Variants in KCNN3 observed in about 807,000 individuals in gnomAD.
KCNN3 encodes the protein small conductance calcium-activated potassium channel protein 3.
A neutral mutation model predicts 62.9 loss-of-function variants in KCNN3; 16 were observed. The ratio of observed to expected loss-of-function variants is 0.25; its 90% CI spans 0.17 to 0.39. The LOEUF (loss-of-function observed/expected upper bound fraction) is 0.39, where lower values mean the gene tolerates loss of function less well. Ranked by LOEUF, KCNN3 falls within the 10% of genes least tolerant of loss-of-function variation. The pLI is 1.00. For missense variants in KCNN3, 599 were observed against 949.4 expected (o/e 0.63, Z 4.85); for synonymous variants, 370 against 389.2 (o/e 0.95, Z 0.58).
At chr1:154,714,383 G>A (rs1700171473) in intron 6 of KCNN3, among the ~76,000 whole-genome samples, 1 of 149,580 alleles carries the variant, frequency 6.7e-6, no homozygotes, top group South Asian at 2.1e-4. Context: ...TGAGGTGTGT[G>A]TGGGGTGTGT....
intron 1 of KCNN3, among the ~76,000 whole-genome samples, chr1:154,863,007 C>A (rs1006119919): frequency 6.6e-6 from 1 of 152,150 alleles, no homozygotes; most frequent in African/African-American, 2.4e-5. Context: ...ACACAGGGGG[C>A]GGTGAGCACG....
intron 1 of KCNN3, among the ~76,000 whole-genome samples, chr1:154,860,077 C>T (rs370394533): frequency 1.1e-4 from 16 of 152,226 alleles, no homozygotes; most frequent in African/African-American, 2.2e-4. Flanking sequence ...CCCTGCCCAG[C>T]TGCTCTTGCT....
intron 1 of KCNN3, among the ~76,000 whole-genome samples, chr1:154,850,535 C>T (rs548335143): frequency 1.2e-4 from 18 of 152,310 alleles, no homozygotes; most frequent in African/African-American, 4.3e-4. Context: ...AGTGGCTTCC[C>T]TGTGTGGTCC....
chr1:154,774,064 G>A (rs937445867), intron 2 of KCNN3, among the ~76,000 whole-genome samples: 7 of 152,200 alleles, frequency 4.6e-5, no homozygotes, highest in African/African-American at 1.7e-4. Flanking sequence ...CTCATCTGGG[G>A]ATGATGATAA....
intron 1 of KCNN3, among the ~76,000 whole-genome samples, chr1:154,845,517 G>A (rs1163578397): frequency 1.3e-5 from 2 of 152,188 alleles, no homozygotes; most frequent in Non-Finnish European, 2.9e-5. Flanking sequence ...CACTGCGGGG[G>A]CCCCACTACC....
rs1459061976 is a variant in KCNN3 at position 154,718,442 on chromosome 1, T to C, written c.1702-3439A>G. Among the ~76,000 whole-genome samples, 3 of 152,268 alleles carry C rather than the reference T, an allele frequency of 2.0e-5. No individual in the cohort carries two copies. The East Asian group carries it at 5.8e-4, about 29-fold the overall frequency. ...TGAGTGCTTACTACGTGCCAGGCTT[T>C]GTGCTAAGCACATATGTCTGCACTG... On this transcript the variant is annotated intron_variant, in intron 5 of 7. Coordinates refer to ENST00000271915, the MANE Select transcript of KCNN3 (RefSeq NM_002249.6).
At chr1:154,737,401 A>G (rs1165073269) in intron 3 of KCNN3, among the ~76,000 whole-genome samples, 1 of 152,156 alleles carries the variant, frequency 6.6e-6, no homozygotes, top group African/African-American at 2.4e-5. Flanking sequence ...GATGGTAGAG[A>G]CATATGTCTA....
chr1:154,786,577 T>TA (rs895176381), intron 2 of KCNN3, among the ~76,000 whole-genome samples: 1 of 152,184 alleles, frequency 6.6e-6, no homozygotes. Flanking sequence ...TCCTCTTTTT[T>TA]AAAAAAGCAA....
Position 154,701,075 on chromosome 1 carries a change from A to C in KCNN3, c.*6901T>G, listed in dbSNP as rs974325043. 6.6e-6 allele frequency: 1 copy of C among 152,186 alleles called. No homozygotes were observed. The highest frequency in any genetic ancestry group is 1.5e-5 in the Non-Finnish European group (1 of 68,030). The allele number at this position is 152,186 out of a possible 1,614,324, so 9.4% of individuals were successfully genotyped here. A position where few individuals can be genotyped will look rare whatever the true frequency, so the allele number is the denominator to read the frequency against. Reference sequence around the variant, plus strand: ...TAACAAGAAAACTTGTGTACAAGTTAGGGCTCAGCTACACAAACAGACTGA... The same window carrying C: ...TAACAAGAAAACTTGTGTACAAGTTCGGGCTCAGCTACACAAACAGACTGA... On this transcript the variant is annotated 3_prime_UTR_variant, in exon 8 of 8. Coordinates refer to ENST00000271915, the MANE Select transcript of KCNN3 (RefSeq NM_002249.6).
At chr1:154,747,737 G>A (rs1700971215) in intron 3 of KCNN3, among the ~76,000 whole-genome samples, 1 of 152,236 alleles carries the variant, frequency 6.6e-6, no homozygotes, top group African/African-American at 2.4e-5. Context: ...ACTGTTGGCT[G>A]ATAGAAGAGT....
At chr1:154,747,064 G>A (rs979654184) in intron 3 of KCNN3, among the ~76,000 whole-genome samples, 3 of 152,026 alleles carry the variant, frequency 2.0e-5, no homozygotes, top group African/African-American at 4.8e-5. Flanking sequence ...CCTCCTATTC[G>A]TGGGCAGTCC....
At position 154,772,202 on chromosome 1, in the gene KCNN3, C is replaced by T. The variant is rs372161618; in HGVS notation, c.1221G>A (p.Leu407=). The change falls in exon 3 of 8, where the codon CTG becomes CTA. Residue 407 remains leucine (L), a synonymous_variant. Transcript: ENST00000271915. The surrounding 1 kb of genome is among the most constrained non-coding windows in gnomAD (Gnocchi z 5.6). ...SRAEADVDII[L]SIPMFLRLYL... ...ACAGGCGCAGGAACATGGGGATAGA[C>T]AGGATGATGTCCACATCGGCCTCCG... 6.2e-7 allele frequency: 1 copy of T among 1,614,130 alleles called. No individual in the cohort carries two copies. Among genetic ancestry groups the T allele is most frequent in the Non-Finnish European group, 8.5e-7 (1 of 1,180,048 alleles).
chr1:154,823,833 T>C (rs964179049), intron 1 of KCNN3, among the ~76,000 whole-genome samples: 1 of 152,076 alleles, frequency 6.6e-6, no homozygotes, highest in African/African-American at 2.4e-5. Context: ...ATGTCCAATA[T>C]GGCAACCACA....
intron 3 of KCNN3, among the ~76,000 whole-genome samples, chr1:154,757,178 A>G (rs1020011659): frequency 1.3e-5 from 2 of 152,262 alleles, no homozygotes; most frequent in African/African-American, 4.8e-5. Context: ...TCTCAACTTC[A>G]GTGCTCAAAC....
chr1:154,849,262 T>C (rs931345749), intron 1 of KCNN3, among the ~76,000 whole-genome samples: 1 of 152,154 alleles, frequency 6.6e-6, no homozygotes, highest in Non-Finnish European at 1.5e-5. Context: ...CTTCCCCAAA[T>C]GGAGACTAGC....
intron 1 of KCNN3, among the ~76,000 whole-genome samples, chr1:154,835,939 T>C (rs959594992): frequency 6.6e-6 from 1 of 152,206 alleles, no homozygotes; most frequent in Admixed American, 6.5e-5. Flanking sequence ...CCAAGTCTTC[T>C]GTATAGACTG....
At chr1:154,769,922 T>G (rs1156862472) in intron 3 of KCNN3, among the ~76,000 whole-genome samples, 4 of 152,238 alleles carry the variant, frequency 2.6e-5, no homozygotes, top group African/African-American at 9.6e-5. Flanking sequence ...ATAGTGCATA[T>G]ATACACCTTG....
At chr1:154,801,947 G>A (rs1649973260) in intron 2 of KCNN3, among the ~76,000 whole-genome samples, 1 of 152,208 alleles carries the variant, frequency 6.6e-6, no homozygotes, top group Non-Finnish European at 1.5e-5. Flanking sequence ...ACCCACAAGA[G>A]CAAGGGAATA....
At chr1:154,760,934 G>C (rs954943026) in intron 3 of KCNN3, among the ~76,000 whole-genome samples, 5 of 152,256 alleles carry the variant, frequency 3.3e-5, no homozygotes, top group African/African-American at 1.2e-4. Flanking sequence ...TCGGAAGAGA[G>C]CCCTTCAAGA....
Sources: gnomAD v4.1 joint callset for allele counts (sites outside exome capture counted in the v4.1 genomes callset) on GRCh38, gnomAD v4.1.1 for gene constraint, Gnocchi (gnomAD v3.1) non-coding constraint, MANE v1.5 for transcripts, NCBI Gene and HGNC (gene_info 2026-07-23, HGNC 2026-07-21) for gene names.